The following GABRB1 variants were observed in gnomAD, a reference collection of about 807,000 sequenced individuals.
GABRB1 encodes the protein gamma-aminobutyric acid receptor subunit beta-1.
A neutral mutation model predicts 51.6 loss-of-function variants in GABRB1; 17 were observed. The observed-to-expected ratio is 0.33, with a 90% confidence interval of 0.23 to 0.49. The LOEUF is 0.49. Ranked by LOEUF, GABRB1 falls within the 20% of genes least tolerant of loss-of-function variation. GABRB1 has a pLI of 0.99. For missense variants in GABRB1, 410 were observed against 600.6 expected (o/e 0.68, Z 3.32); for synonymous variants, 247 against 218.9 (o/e 1.13, Z -1.14).
intron 5 of GABRB1, among the ~76,000 whole-genome samples, chr4:47,340,517 C>T (rs1725846248): frequency 6.6e-6 from 1 of 152,110 alleles, no homozygotes; most frequent in Non-Finnish European, 1.5e-5. Context: ...AGATTCAGCT[C>T]CTGGTGAGGG....
intron 4 of GABRB1, among the ~76,000 whole-genome samples, chr4:47,295,637 G>A (rs891597247): frequency 1.3e-5 from 2 of 152,240 alleles, no homozygotes; most frequent in African/African-American, 2.4e-5. Context: ...TCTGACTGGT[G>A]TACCTGAAAG....
At chr4:47,317,335 T>G (rs1429445130) in intron 4 of GABRB1, among the ~76,000 whole-genome samples, 1 of 152,002 alleles carries the variant, frequency 6.6e-6, no homozygotes, top group Non-Finnish European at 1.5e-5. Context: ...TCTTGACAAT[T>G]TTTTAATTCA....
At chr4:47,019,890 ATATG>A (rs1223733649) in intron 1 of GABRB1, among the ~76,000 whole-genome samples, 9 of 137,656 alleles carry the variant, frequency 6.5e-5, no homozygotes, top group African/African-American at 2.1e-4. Flanking sequence ...TATATATAAT[ATATG>A]TATATGTATA....
rs1203664196 is a variant in GABRB1 at position 47,204,591 on chromosome 4, T to C, written c.461+43122T>C. On this transcript the variant is annotated intron_variant, in intron 4 of 8. Transcript: ENST00000295454. The stretch of plus-strand genomic sequence containing the variant: ...TTGTAATTCCCACAATCCCCACGTG[T>C]CTTGGAGGAACCCAGTGGGAGGTGA... Among the ~76,000 whole-genome samples, 3 of 152,110 alleles carry C rather than the reference T, an allele frequency of 2.0e-5. No homozygotes were observed. The East Asian group carries it at 5.8e-4, about 29-fold the overall frequency.
At chr4:47,007,866 G>GTTATATATATA (rs1476319173) in intron 1 of GABRB1, among the ~76,000 whole-genome samples, 1 of 49,972 alleles carries the variant, frequency 2.0e-5, no homozygotes, top group African/African-American at 7.9e-5. Context: ...CTTGGAACTG[G>GTTATATATATA]TATATATATA....
At chr4:47,045,000 C>A (rs936341448) in intron 3 of GABRB1, among the ~76,000 whole-genome samples, 9 of 151,994 alleles carry the variant, frequency 5.9e-5, no homozygotes, top group African/African-American at 2.2e-4. Context: ...TGTGATACTC[C>A]CTTTATATGA....
At chr4:47,328,363 T>C (rs367597305) in intron 5 of GABRB1, among the ~76,000 whole-genome samples, 12 of 152,326 alleles carry the variant, frequency 7.9e-5, no homozygotes, top group Middle Eastern at 3.4e-3. Context: ...TTGCTTTTGG[T>C]GTTTTAGACA....
At chr4:47,070,552 G>A (rs1412568436) in intron 3 of GABRB1, among the ~76,000 whole-genome samples, 1 of 148,074 alleles carries the variant, frequency 6.8e-6, no homozygotes, top group East Asian at 2.0e-4. Flanking sequence ...GGCTGTTCTC[G>A]AACTCCTGAC....
chr4:47,133,117 A>T (rs1396380981), intron 3 of GABRB1, among the ~76,000 whole-genome samples: 3 of 152,228 alleles, frequency 2.0e-5, no homozygotes, highest in Non-Finnish European at 4.4e-5. Flanking sequence ...CTCTTGCAAA[A>T]GAAAGTAACC....
chr4:47,169,054 ACT>A (rs1718329742), intron 4 of GABRB1, among the ~76,000 whole-genome samples: 1 of 151,792 alleles, frequency 6.6e-6, no homozygotes, highest in Admixed American at 6.6e-5. Flanking sequence ...CCCTCTAAAG[ACT>A]CTATTTTCAA....
intron 3 of GABRB1, among the ~76,000 whole-genome samples, chr4:47,053,113 G>T (rs1020286666): frequency 6.6e-6 from 1 of 152,174 alleles, no homozygotes; most frequent in Non-Finnish European, 1.5e-5. Flanking sequence ...ACATGGTGAA[G>T]CTGAATCAAG....
chr4:47,328,676 C>G (rs1293886129), intron 5 of GABRB1, among the ~76,000 whole-genome samples: 1 of 151,870 alleles, frequency 6.6e-6, no homozygotes, highest in Admixed American at 6.6e-5. Context: ...GACGAAAAAC[C>G]AAACACCGCA....
rs1377908590 is a variant in GABRB1, at chr4:47,018,915, G to A, written c.-19-12999G>A. 2.0e-5 allele frequency among the ~76,000 whole-genome samples: 3 copies of A among 152,072 alleles called. No homozygotes were observed. In the East Asian group the frequency reaches 5.8e-4, roughly 29 times the overall value. ...TGCAATACACACCCATGTTTTTCAA[G>A]ATTCAGTTGTATTTTTTCTTCATCA... On this transcript the variant is annotated intron_variant, in intron 1 of 3. Transcript: ENST00000513567.
chr4:47,024,069 A>T (rs1725012186), intron 1 of GABRB1, among the ~76,000 whole-genome samples: 1 of 151,936 alleles, frequency 6.6e-6, no homozygotes, highest in Non-Finnish European at 1.5e-5. Context: ...ATGGAATTTC[A>T]TTTTAAAATT....
At chr4:46,994,581 G>C (rs547127998) in intron 1 of GABRB1, among the ~76,000 whole-genome samples, 1 of 152,014 alleles carries the variant, frequency 6.6e-6, no homozygotes, top group African/African-American at 2.4e-5. Context: ...AATTAAAATG[G>C]AGGGGGACAA....
chr4:46,999,655 C>T (rs2109426347), intron 1 of GABRB1, among the ~76,000 whole-genome samples: 1 of 152,152 alleles, frequency 6.6e-6, no homozygotes, highest in African/African-American at 2.4e-5. Context: ...GCTGAAGAGA[C>T]CAGTGACTGA....
chr4:47,108,771 CT>C (rs1715092148), intron 3 of GABRB1, among the ~76,000 whole-genome samples: 1 of 151,934 alleles, frequency 6.6e-6, no homozygotes, highest in Non-Finnish European at 1.5e-5. Context: ...TACACTGTTC[CT>C]TTTTGACAAA....
intron 1 of GABRB1, among the ~76,000 whole-genome samples, chr4:47,009,156 G>A (rs180744536): frequency 1.1e-3 from 168 of 149,832 alleles, no homozygotes; most frequent in Non-Finnish European, 2.0e-3. Context: ...GAGCCACCGC[G>A]CCCGGCCAGA....
rs893823370 is a variant in GABRB1, at chr4:47,156,740, G to T, written c.241-4509G>T. ...TCTCAGCACTTTGGGGGACCGAGGG[G>T]GGGCAGATCACCTGAGGTCAGGAGT... On this transcript the variant is annotated intron_variant, in intron 3 of 8. Coordinates refer to ENST00000295454, the MANE Select transcript of GABRB1 (RefSeq NM_000812.4). Among the ~76,000 whole-genome samples, 46 of 151,846 alleles carry T rather than the reference G, an allele frequency of 3.0e-4. 1 individual carries two copies. Among genetic ancestry groups the T allele is most frequent in the Non-Finnish European group, 8.8e-5 (6 of 67,962 alleles).
Sources: gnomAD v4.1 joint callset for allele counts (sites outside exome capture counted in the v4.1 genomes callset) on GRCh38, gnomAD v4.1.1 for gene constraint, MANE v1.5 for transcripts, NCBI Gene and HGNC (gene_info 2026-07-23, HGNC 2026-07-21) for gene names.